GRM3: variants seen among roughly 807,000 people sequenced by gnomAD.
GRM3 encodes glutamate metabotropic receptor 3, also known as metabotropic glutamate receptor 3.
In GRM3, 26 loss-of-function variants were observed where a neutral mutation model predicts 70.5. The ratio of observed to expected loss-of-function variants is 0.37; its 90% CI spans 0.27 to 0.51. The LOEUF is 0.51. GRM3 is among the 20% of genes least tolerant of loss of function. The probability of loss-of-function intolerance (pLI) is 0.93; values close to 1 mark genes in which losing one functional copy is unlikely to be tolerated. For missense variants in GRM3, 859 were observed against 1,123.8 expected (o/e 0.76, Z 3.37); for synonymous variants, 443 against 434.9 (o/e 1.02, Z -0.23).
intron 1 of GRM3, among the ~76,000 whole-genome samples, chr7:86,721,939 C>T (rs540287230): frequency 6.6e-6 from 1 of 152,126 alleles, no homozygotes; most frequent in African/African-American, 2.4e-5. Context: ...GAAACATTGA[C>T]TCCTGGAAAC....
intron 2 of GRM3, among the ~76,000 whole-genome samples, chr7:86,767,871 A>G (rs922448661): frequency 1.2e-4 from 18 of 152,054 alleles, no homozygotes; most frequent in African/African-American, 4.3e-4. Context: ...AGACTAGTTT[A>G]GAGGAAAAAA....
At position 86,823,718 on chromosome 7, in the gene GRM3, C is replaced by G. The variant is rs1206162138; in HGVS notation, c.1325-15121C>G. ...AAACATGTAAGGATCAATAGCCAAG[C>G]AGAAACAAATTTCAATTCTTGTTAA... On this transcript the variant is annotated intron_variant, in intron 3 of 5. Transcript: ENST00000361669. 9.3e-5 allele frequency among the ~76,000 whole-genome samples: 14 copies of G among 150,460 alleles called. No homozygotes were observed. The Admixed American group carries it at 9.4e-4, about 10-fold the overall frequency.
intron 1 of GRM3, among the ~76,000 whole-genome samples, chr7:86,692,553 A>G (rs1794719768): frequency 6.6e-6 from 1 of 152,070 alleles, no homozygotes; most frequent in Admixed American, 6.6e-5. Context: ...CACCTGCCAC[A>G]TCTCTCTCTC....
chr7:86,850,815 T>A (rs775800138), intron 5 of GRM3, among the ~76,000 whole-genome samples: 1 of 152,120 alleles, frequency 6.6e-6, no homozygotes, highest in Non-Finnish European at 1.5e-5. Flanking sequence ...TTTGACCATG[T>A]TGTGGGGTTA....
At chr7:86,663,702 A>T (rs1793955267) in intron 1 of GRM3, among the ~76,000 whole-genome samples, 2 of 151,952 alleles carry the variant, frequency 1.3e-5, no homozygotes, top group African/African-American at 4.8e-5. Flanking sequence ...GAAGTTTGTA[A>T]GATTTTAGGC....
intron 1 of GRM3, among the ~76,000 whole-genome samples, chr7:86,714,329 C>G (rs1228622088): frequency 1.3e-5 from 2 of 151,932 alleles, no homozygotes; most frequent in African/African-American, 4.8e-5. Context: ...GTAAACCTTG[C>G]CTTAGTCACT....
chr7:86,751,947 T>A (rs1796241743), intron 1 of GRM3, among the ~76,000 whole-genome samples: 1 of 152,152 alleles, frequency 6.6e-6, no homozygotes, highest in Non-Finnish European at 1.5e-5. Context: ...CTGTCATTTT[T>A]AAAAAATGCA....
intron 3 of GRM3, among the ~76,000 whole-genome samples, chr7:86,806,409 T>C (rs1448123626): frequency 6.6e-6 from 1 of 152,220 alleles, no homozygotes; most frequent in Non-Finnish European, 1.5e-5. Flanking sequence ...CTCCAGCACC[T>C]GTTGTTTCCT....
chr7:86,775,224 C>T (rs962924520), intron 2 of GRM3: 1 of 152,066 alleles, frequency 6.6e-6, no homozygotes, highest in Admixed American at 6.6e-5. Context: ...TCTCCAACAA[C>T]CATTATTATT....
Position 86,786,820 on chromosome 7 carries a change from A to G in GRM3, c.1028A>G (p.Tyr343Cys), listed in dbSNP as rs1486850121. ...CGCTACTTCCAGAGCCTCAACCCCT[A>G]CAACAACCACCGCAACCCCTGGTTC... ...FDRYFQSLNP[Y>C]NNHRNPWFRD... The change falls in exon 3 of 6, where the codon TAC becomes TGC. Residue 343 changes from tyrosine to cysteine, a missense_variant. Physicochemically the swap from Tyr to Cys is radical, Grantham distance 194 (BLOSUM62 -2). Coordinates refer to ENST00000361669, the MANE Select transcript of GRM3 (RefSeq NM_000840.3). The surrounding 1 kb of genome is among the most constrained non-coding windows in gnomAD (Gnocchi z 6.0). The G allele has an allele frequency of 6.2e-7, 1 of 1,614,056 alleles. No individual in the cohort carries two copies. The highest frequency in any genetic ancestry group is 1.3e-5 in the African/African-American group (1 of 74,930).
intron 4 of GRM3, among the ~76,000 whole-genome samples, chr7:86,840,198 A>T (rs1165196144): frequency 6.6e-6 from 1 of 152,210 alleles, no homozygotes; most frequent in Admixed American, 6.5e-5. Flanking sequence ...ACGTACACAT[A>T]ATGTTAATTA....
At chr7:86,654,812 C>T (rs967077308) in intron 1 of GRM3, among the ~76,000 whole-genome samples, 1 of 152,156 alleles carries the variant, frequency 6.6e-6, no homozygotes, top group Non-Finnish European at 1.5e-5. Context: ...TAATGAGTGC[C>T]TACTGTGTGT....
intron 1 of GRM3, among the ~76,000 whole-genome samples, chr7:86,746,343 A>ATG: frequency 5.9e-5 from 1 of 16,884 alleles, no homozygotes; most frequent in East Asian, 8.3e-4. Flanking sequence ...GTCATGTATT[A>ATG]TATATATATA....
intron 3 of GRM3, among the ~76,000 whole-genome samples, chr7:86,806,281 G>GT (rs1797791308): frequency 6.6e-6 from 1 of 152,110 alleles, no homozygotes; most frequent in African/African-American, 2.4e-5. Context: ...TGATGGCTGG[G>GT]TCAAATGGTA....
intron 5 of GRM3, 140 bp from the exon 6 acceptor site, chr7:86,864,142 A>ACTTGTAGTTTTTTATCC: frequency 3.2e-6 from 2 of 631,952 alleles, no homozygotes; most frequent in South Asian, 3.6e-5. Flanking sequence ...TATACACTGA[A>ACTTGTAGTTTTTTATCC]CTCCAATTTG....
chr7:86,658,593 AG>A (rs1174337182), intron 1 of GRM3, among the ~76,000 whole-genome samples: 2 of 152,174 alleles, frequency 1.3e-5, no homozygotes, highest in Non-Finnish European at 2.9e-5. Context: ...GTAGTCTATA[AG>A]GGGGCTAAAA....
At chr7:86,841,495 C>T (rs1162944793) in intron 4 of GRM3, among the ~76,000 whole-genome samples, 1 of 152,054 alleles carries the variant, frequency 6.6e-6, no homozygotes, top group African/African-American at 2.4e-5. Flanking sequence ...AATGCCCCAT[C>T]TCTATCTTTT....
intron 2 of GRM3, among the ~76,000 whole-genome samples, chr7:86,769,244 G>T (rs1251214825): frequency 6.6e-6 from 1 of 152,202 alleles, no homozygotes; most frequent in African/African-American, 2.4e-5. Context: ...TCCTGCATAT[G>T]TACTGGAAAT....
intron 1 of GRM3, among the ~76,000 whole-genome samples, chr7:86,723,125 CTG>C (rs1177690459): frequency 1.3e-5 from 2 of 151,986 alleles, no homozygotes; most frequent in East Asian, 1.9e-4. Flanking sequence ...AATATAGAAA[CTG>C]TATTTCCTGA....
Sources: allele counts gnomAD v4.1 joint callset (sites outside exome capture counted in the v4.1 genomes callset), GRCh38; gene constraint gnomAD v4.1.1; non-coding constraint Gnocchi (gnomAD v3.1); transcripts MANE v1.5; gene names NCBI Gene and HGNC (gene_info 2026-07-23, HGNC 2026-07-21).